The following MINDY4 variants were observed in gnomAD, a reference collection of about 807,000 sequenced individuals.
MINDY4 encodes probable ubiquitin carboxyl-terminal hydrolase MINDY-4.
Under a neutral mutation model 87.0 loss-of-function variants are expected in MINDY4, and 68 were observed. The ratio of observed to expected loss-of-function variants is 0.78; its 90% confidence interval spans 0.64 to 0.96. MINDY4 has a LOEUF of 0.96. Among genes scored for constraint, MINDY4 ranks in the 40% least tolerant of loss-of-function variants. MINDY4 has a pLI of 0.00. For synonymous variants in MINDY4, 379 were observed against 363.2 expected, an observed-to-expected ratio of 1.04 and a Z score of -0.50; for missense variants, 919 against 928.2, an observed-to-expected ratio of 0.99 and a Z score of 0.13.
At chr7:30,805,985 A>G (rs1410294334) in intron 5 of MINDY4, among the ~76,000 whole-genome samples, 2 of 152,214 alleles carry the variant, frequency 1.3e-5, no homozygotes, top group Admixed American at 6.5e-5. Flanking sequence ...TGACAATACC[A>G]GAGTCATTTT....
At chr7:30,866,832 C>G (rs1789951295) in intron 13 of MINDY4, among the ~76,000 whole-genome samples, 1 of 152,012 alleles carries the variant, frequency 6.6e-6, no homozygotes, top group African/African-American at 2.4e-5. Flanking sequence ...GGGCTTTGGC[C>G]AGCTGCTGAT....
chr7:30,866,786 G>A (rs1789949927), intron 13 of MINDY4, among the ~76,000 whole-genome samples: 1 of 152,170 alleles, frequency 6.6e-6, no homozygotes, highest in African/African-American at 2.4e-5. Flanking sequence ...GACATGGTGG[G>A]TGGGAAGAGG....
At chr7:30,870,405 C>T (rs1790066576) in intron 13 of MINDY4, among the ~76,000 whole-genome samples, 1 of 152,208 alleles carries the variant, frequency 6.6e-6, no homozygotes. Flanking sequence ...CTAGCGCCAG[C>T]GAAGCGCTAT....
intron 10 of MINDY4, among the ~76,000 whole-genome samples, chr7:30,851,699 C>A (rs80156161): frequency 0.038 from 5,752 of 152,196 alleles, 144 homozygotes; most frequent in Middle Eastern, 0.092. Flanking sequence ...AAACAGAAGC[C>A]CAGAGAGGGA....
At position 30,882,902 on chromosome 7, in the gene MINDY4, CCT is replaced by C; in HGVS notation, c.2153-13_2153-12del. On this transcript the variant is annotated splice_polypyrimidine_tract_variant and intron_variant, in intron 16 of 17. Transcript: ENST00000265299. ...CAGGGCCCTGGGTGACATGTGTGTGCCTCTCTCCTCCTTCCCAGACACCACCC... is the reference window on the plus strand; with the variant it reads ...CAGGGCCCTGGGTGACATGTGTGTGCCTCTCCTCCTTCCCAGACACCACCC... 6.2e-7 allele frequency: 1 copy of C among 1,612,808 alleles called. No individual in the cohort carries two copies. The highest frequency in any genetic ancestry group is 1.3e-5 in the African/African-American group (1 of 74,892).
chr7:30,837,441 C>A (rs1009088536), intron 7 of MINDY4, among the ~76,000 whole-genome samples: 3 of 152,208 alleles, frequency 2.0e-5, no homozygotes, highest in Non-Finnish European at 4.4e-5. Flanking sequence ...CCTTCTCTTC[C>A]TACTTACTAC....
intron 5 of MINDY4, among the ~76,000 whole-genome samples, chr7:30,800,198 C>T (rs1259655900): frequency 6.6e-6 from 1 of 152,170 alleles, no homozygotes; most frequent in African/African-American, 2.4e-5. Flanking sequence ...TGCATTCACC[C>T]AACCCCTAGG....
intron 5 of MINDY4, among the ~76,000 whole-genome samples, chr7:30,813,889 G>A (rs1465736981): frequency 6.6e-6 from 1 of 152,032 alleles, no homozygotes; most frequent in African/African-American, 2.4e-5. Context: ...AAATTTCCTG[G>A]AGGTTCTTTT....
At chr7:30,841,716 AC>A (rs1789045870) in intron 9 of MINDY4, among the ~76,000 whole-genome samples, 1 of 152,138 alleles carries the variant, frequency 6.6e-6, no homozygotes, top group Non-Finnish European at 1.5e-5. Flanking sequence ...TTATCACAAA[AC>A]CGCACACCCA....
intron 9 of MINDY4, among the ~76,000 whole-genome samples, chr7:30,847,446 A>G (rs1217401009): frequency 6.6e-6 from 1 of 152,124 alleles, no homozygotes; most frequent in Non-Finnish European, 1.5e-5. Context: ...GTCAAAGGCA[A>G]AGGAGGCTGG....
rs1220144746 is a variant in MINDY4, at chr7:30,782,121, A to C, written c.328A>C (p.Arg110=). The change falls in exon 3 of 18, where the codon AGA becomes CGA. Residue 110 remains arginine, a synonymous_variant. Transcript: ENST00000265299. ...VPKKNNKVPS[R]CSETTLVNIY... is the part of the protein sequence containing the mutation. ...AAAGAAAAATAACAAAGTGCCATCA[A>C]GATGCTCAGAGACTACACTGGTAAA... is the stretch of plus-strand genomic sequence containing the variant. 6.2e-7 allele frequency: 1 copy of C among 1,614,108 alleles called. No individual in the cohort carries two copies. Among genetic ancestry groups the C allele is most frequent in the Non-Finnish European group, 8.5e-7 (1 of 1,180,028 alleles).
chr7:30,777,160 G>A (rs566759333), intron 1 of MINDY4, among the ~76,000 whole-genome samples: 1 of 152,162 alleles, frequency 6.6e-6, no homozygotes, highest in East Asian at 1.9e-4. Context: ...CAGGCCTATG[G>A]CACCATGCCC....
At chr7:30,775,200 G>A (rs150469239) in intron 1 of MINDY4, among the ~76,000 whole-genome samples, 1 of 152,242 alleles carries the variant, frequency 6.6e-6, no homozygotes, top group African/African-American at 2.4e-5. Flanking sequence ...GTTAAGTCAC[G>A]CTCATGACTG....
At chr7:30,773,367 G>C (rs1244810415) in intron 1 of MINDY4, among the ~76,000 whole-genome samples, 1 of 152,156 alleles carries the variant, frequency 6.6e-6, no homozygotes, top group Non-Finnish European at 1.5e-5. Context: ...AACTTGCCCA[G>C]GGTGAGCAGG....
In MINDY4 at chr7:30,882,372, T is replaced by TCTGCCCCCCCCCCCC; in HGVS notation, c.2152+12_2152+13insTGCCCCCCCCCCCCC. Reference sequence around the variant, plus strand: ...TCCGGCTGACCATTGGTGCGGGCCCTCACCCCCCCACCCACCCAACCCTGT... The same window carrying TCTGCCCCCCCCCCCC: ...TCCGGCTGACCATTGGTGCGGGCCCTCTGCCCCCCCCCCCCCACCCCCCCACCCACCCAACCCTGT... On this transcript the variant is annotated intron_variant, in intron 16 of 17. Transcript: ENST00000265299. The TCTGCCCCCCCCCCCC allele has an allele frequency of 6.6e-7, 1 of 1,521,488 alleles. No individual in the cohort carries two copies. The highest frequency in any genetic ancestry group is 8.9e-7 in the Non-Finnish European group (1 of 1,127,546). 94.2% of individuals were successfully genotyped at this position (1,521,488 alleles called of 1,614,324 possible).
intron 17 of MINDY4, among the ~76,000 whole-genome samples, chr7:30,885,369 G>A (rs1428315946): frequency 1.3e-5 from 2 of 152,072 alleles, no homozygotes; most frequent in African/African-American, 2.4e-5. Flanking sequence ...AAAATTAGCC[G>A]GGCATGGTGG....
At chr7:30,872,193 C>T (rs753998660) in intron 13 of MINDY4, 50 bp from the exon 14 acceptor site, 17 of 1,595,640 alleles carry the variant, frequency 1.1e-5, no homozygotes, top group Non-Finnish European at 1.5e-5. Flanking sequence ...GCGAGGTTTG[C>T]AACCTGGGTC....
intron 10 of MINDY4, among the ~76,000 whole-genome samples, chr7:30,851,402 A>G (rs776655298): frequency 6.6e-6 from 1 of 152,238 alleles, no homozygotes. Context: ...GTGAGACCTA[A>G]ATGAGTCAGT....
At chr7:30,887,057 G>A (rs1790652090) in intron 17 of MINDY4, among the ~76,000 whole-genome samples, 1 of 152,210 alleles carries the variant, frequency 6.6e-6, no homozygotes, top group Admixed American at 6.5e-5. Flanking sequence ...CGGAGGTGCA[G>A]ACAAGAAATT....
Sources: gnomAD v4.1 joint callset for allele counts (sites outside exome capture counted in the v4.1 genomes callset) on GRCh38, gnomAD v4.1.1 for gene constraint, MANE v1.5 for transcripts, NCBI Gene and HGNC (gene_info 2026-07-23, HGNC 2026-07-21) for gene names.